OR12D3: variants seen among roughly 807,000 people sequenced by gnomAD.
OR12D3 encodes olfactory receptor 12D3.
For synonymous variants in OR12D3, 142 were observed against 138.8 expected (o/e 1.02, Z -0.16); for missense variants, 333 against 386.4 (o/e 0.86, Z 1.16).
At position 29,374,659 on chromosome 6, in the gene OR12D3, A is replaced by C; in HGVS notation, c.629T>G (p.Phe210Cys). 1 of 1,612,444 alleles carries C rather than the reference A, an allele frequency of 6.2e-7. No individual in the cohort carries two copies. ...ATAGAAGCAGGAGAGAAGAGTCAGA[A>C]AGAAAGCTCCCATGGATATGCTGCC... Reference protein sequence around the residue: ...VTGSISMGAFFLTLLSCFYVI... With the variant: ...VTGSISMGAFCLTLLSCFYVI... Residue 210 changes from phenylalanine (F) to cysteine (C), a missense_variant, in exon 1 of 1, where the codon TTT becomes TGT. Physicochemically the swap from Phe to Cys is radical, Grantham distance 205. Coordinates refer to ENST00000396806, the MANE Select transcript of OR12D3 (RefSeq NM_030959.3).
At position 29,374,730 on chromosome 6, in the gene OR12D3, G is replaced by A; in HGVS notation, c.558C>T (p.Ala186=). The A allele has an allele frequency of 6.2e-7, 1 of 1,613,110 alleles. No homozygotes were observed. The highest frequency in any genetic ancestry group is 8.5e-7 in the Non-Finnish European group (1 of 1,180,030). The change falls in exon 1 of 1, where the codon GCC becomes GCT. Residue 186 remains alanine (A), a synonymous_variant. Coordinates refer to ENST00000396806, the MANE Select transcript of OR12D3 (RefSeq NM_030959.3). ...FYDVKPLLEL[A]CSDTLLNQWL... ...ATTGATTGAGTAATGTGTCACTACA[G>A]GCCAATTCTAAGAGCGGCTTGACAT... is the stretch of plus-strand genomic sequence containing the variant.
Position 29,374,876 on chromosome 6 carries a change from C to A in OR12D3, c.412G>T (p.Val138Leu), listed in dbSNP as rs201259693. The part of the protein sequence containing the change: ...LRYTVIMNPQ[V>L]CILLAAAAWL... The stretch of plus-strand genomic sequence containing the variant: ...GCCGCAGCTGCCAACAGAATACACA[C>A]CTGGGGGTTCATGATGACAGTGTAG... Residue 138 changes from valine (V) to leucine (L), a missense_variant, in exon 1 of 1, where the codon GTG becomes TTG. Physicochemically the swap from Val to Leu is conservative, Grantham distance 32. Transcript: ENST00000396806. The A allele has an allele frequency of 1.6e-4, 265 of 1,613,340 alleles. No homozygotes were observed. The highest frequency in any genetic ancestry group is 3.3e-4 in the Middle Eastern group (2 of 6,082).
rs566487315 is a variant in OR12D3, at chr6:29,374,903, G to A, written c.385C>T (p.Arg129Cys). 13 of 1,613,826 alleles carry A rather than the reference G, an allele frequency of 8.1e-6. No individual in the cohort carries two copies. The highest frequency in any genetic ancestry group is 1.3e-5 in the African/African-American group (1 of 74,908). ...TGGGGGTTCATGATGACAGTGTAGC[G>A]AAGAGGATTGCAGATGGCAACAAAA... ...DRFVAICNPL[R>C]YTVIMNPQVC... Residue 129 changes from arginine (R) to cysteine (C), a missense_variant, in exon 1 of 1, where the codon CGC becomes TGC. Arg to Cys is a radical substitution (Grantham distance 180). Transcript: ENST00000396806.
chr6:29,374,890 A>C lies in OR12D3; in HGVS notation c.398T>G (p.Ile133Ser). The C allele has an allele frequency of 6.2e-7, 1 of 1,613,954 alleles. No individual in the cohort carries two copies. Among genetic ancestry groups the C allele is most frequent in the Non-Finnish European group, 8.5e-7 (1 of 1,180,032 alleles). Residue 133 changes from isoleucine (I) to serine (S), a missense_variant, in exon 1 of 1, where the codon ATC becomes AGC. By Grantham distance (142) the Ile-to-Ser change is moderately radical (BLOSUM62 -2). Coordinates refer to ENST00000396806, the MANE Select transcript of OR12D3 (RefSeq NM_030959.3). Reference sequence around the variant, plus strand: ...CAGAATACACACCTGGGGGTTCATGATGACAGTGTAGCGAAGAGGATTGCA... The same window carrying C: ...CAGAATACACACCTGGGGGTTCATGCTGACAGTGTAGCGAAGAGGATTGCA... ...AICNPLRYTV[I>S]MNPQVCILLA...
In OR12D3 at chr6:29,375,114, A is replaced by T. The variant is rs775740365; in HGVS notation, c.174T>A (p.Tyr58Ter). The T allele has an allele frequency of 6.2e-7, 1 of 1,612,898 alleles. No homozygotes were observed. Among genetic ancestry groups the T allele is most frequent in the Non-Finnish European group, 8.5e-7 (1 of 1,179,972 alleles). Residue 58 changes from tyrosine to a stop codon, truncating the protein, a stop_gained, in exon 1 of 1, where the codon TAT (tyrosine) becomes TAA (stop). Transcript: ENST00000396806. LOFTEE classifies it low-confidence loss of function (END_TRUNC). ...GACAAGAAAGGTTTCCCAGAAAAAAATACATAGGGGAGTGGAGTTGTGGTT... is the reference window on the plus strand; with the variant it reads ...GACAAGAAAGGTTTCCCAGAAAAAATTACATAGGGGAGTGGAGTTGTGGTT... ...VLEPQLHSPM[Y>*]FFLGNLSCLD...
chr6:29,374,545 C>T lies in OR12D3; in HGVS notation c.743G>A (p.Cys248Tyr), dbSNP rs1312792568. ...STCASHFMVV[C>Y]LFYGPVGFTY... ...GAAGCCCACAGGTCCATAGAAAAGA[C>T]ATACCACCATAAAATGGGAGGCACA... Residue 248 changes from cysteine to tyrosine, a missense_variant, in exon 1 of 1, where the codon TGT becomes TAT. Physicochemically the swap from Cys to Tyr is radical, Grantham distance 194. Transcript: ENST00000396806. 22 of 1,612,972 alleles carry T rather than the reference C, an allele frequency of 1.4e-5. No individual in the cohort carries two copies. The Admixed American group carries it at 3.7e-4, about 27-fold the overall frequency.
rs149010102 is a variant in OR12D3 at position 29,374,757 on chromosome 6, G to A, written c.531C>T (p.Tyr177=). 8.7e-5 allele frequency: 140 copies of A among 1,613,002 alleles called. No individual in the cohort carries two copies. The highest frequency in any genetic ancestry group is 1.1e-4 in the Non-Finnish European group (131 of 1,180,022). The change falls in exon 1 of 1, where the codon TAC becomes TAT. Residue 177 remains tyrosine (Y), a synonymous_variant. Transcript: ENST00000396806. ...CCAATTCTAAGAGCGGCTTGACATCGTAGAAGAAGTGATTGAGTTTCTGAG... is the reference window on the plus strand; with the variant it reads ...CCAATTCTAAGAGCGGCTTGACATCATAGAAGAAGTGATTGAGTTTCTGAG... ...CGSQKLNHFF[Y]DVKPLLELAC...
Position 29,374,489 on chromosome 6 carries a change from T to C in OR12D3, c.799A>G (p.Met267Val), listed in dbSNP as rs572177634. The change falls in exon 1 of 1, where the codon ATG becomes GTG. Residue 267 changes from methionine (M) to valine (V), a missense_variant. By Grantham distance (21) the Met-to-Val change is conservative. Coordinates refer to ENST00000396806, the MANE Select transcript of OR12D3 (RefSeq NM_030959.3). ...ATGGCCATTATCCGGTCCTGAATCA[T>C]GGAGGTGGCTGAAGCAGGACGAATA... ...TYIRPASATS[M>V]IQDRIMAIMY... The C allele has an allele frequency of 3.0e-5, 49 of 1,612,974 alleles. No individual in the cohort carries two copies. In the South Asian group the frequency reaches 4.9e-4, roughly 16 times the overall value.
Position 29,374,635 on chromosome 6 carries a change from T to C in OR12D3, c.653A>G (p.Tyr218Cys). The C allele has an allele frequency of 6.2e-7, 1 of 1,612,782 alleles. No homozygotes were observed. Among genetic ancestry groups the C allele is most frequent in the South Asian group, 1.1e-5 (1 of 90,912 alleles). The change falls in exon 1 of 1, where the codon TAT becomes TGT. Residue 218 changes from tyrosine to cysteine, a missense_variant. Tyr to Cys is a radical substitution (Grantham distance 194, BLOSUM62 -2). Transcript: ENST00000396806. The part of the protein sequence containing the change: ...AFFLTLLSCF[Y>C]VIGFLLFKNR... Reference sequence around the variant, plus strand: ...CTTAAACAGAAGGAAGCCAATTACATAGAAGCAGGAGAGAAGAGTCAGAAA... The same window carrying C: ...CTTAAACAGAAGGAAGCCAATTACACAGAAGCAGGAGAGAAGAGTCAGAAA...
chr6:29,374,882 G>A lies in OR12D3; in HGVS notation c.406C>T (p.Pro136Ser), dbSNP rs774197880. 5 of 1,613,752 alleles carry A rather than the reference G, an allele frequency of 3.1e-6. No homozygotes were observed. The highest frequency in any genetic ancestry group is 4.2e-6 in the Non-Finnish European group (5 of 1,180,034). ...NPLRYTVIMNPQVCILLAAAA... is the reference protein window; with the variant it reads ...NPLRYTVIMNSQVCILLAAAA... ...GCTGCCAACAGAATACACACCTGGG[G>A]GTTCATGATGACAGTGTAGCGAAGA... The change falls in exon 1 of 1, where the codon CCC becomes TCC. Residue 136 changes from proline (P) to serine (S), a missense_variant. Pro to Ser is a moderately conservative substitution (Grantham distance 74, BLOSUM62 -1). Transcript: ENST00000396806.
In OR12D3 at chr6:29,374,772, G is replaced by A; in HGVS notation, c.516C>T (p.Leu172=). The A allele has an allele frequency of 6.2e-7, 1 of 1,613,304 alleles. No homozygotes were observed. Among genetic ancestry groups the A allele is most frequent in the Non-Finnish European group, 8.5e-7 (1 of 1,180,030 alleles). ...AHLSFCGSQK[L]NHFFYDVKPL... is the part of the protein sequence containing the mutation. ...GCTTGACATCGTAGAAGAAGTGATTGAGTTTCTGAGAGCCACAAAAACTCA... is the reference window on the plus strand; with the variant it reads ...GCTTGACATCGTAGAAGAAGTGATTAAGTTTCTGAGAGCCACAAAAACTCA... Residue 172 remains leucine (L), a synonymous_variant, in exon 1 of 1, where the codon CTC becomes CTT. Transcript: ENST00000396806.
chr6:29,374,656 A>G lies in OR12D3; in HGVS notation c.632T>C (p.Leu211Pro). ...TACATAGAAGCAGGAGAGAAGAGTC[A>G]GAAAGAAAGCTCCCATGGATATGCT... ...TGSISMGAFFLTLLSCFYVIG... is the reference protein window; with the variant it reads ...TGSISMGAFFPTLLSCFYVIG... The change falls in exon 1 of 1, where the codon CTG becomes CCG. Residue 211 changes from leucine (L) to proline (P), a missense_variant. Physicochemically the swap from Leu to Pro is moderately conservative, Grantham distance 98. Transcript: ENST00000396806. 1 of 1,613,082 alleles carries G rather than the reference A, an allele frequency of 6.2e-7. No individual in the cohort carries two copies. Among genetic ancestry groups the G allele is most frequent in the Non-Finnish European group, 8.5e-7 (1 of 1,180,030 alleles).
In OR12D3 at chr6:29,375,141, CA is replaced by C. The variant is rs1779357159; in HGVS notation, c.146del (p.Leu49TrpfsTer26). 3 of 1,612,672 alleles carry C rather than the reference CA, an allele frequency of 1.9e-6. No homozygotes were observed. In the African/African-American group the frequency reaches 4.0e-5, roughly 22 times the overall value. ...ACATAGGGGAGTGGAGTTGTGGTTC[CA>C]AAACAACCATCACCAATATAGATCC... is the stretch of plus-strand genomic sequence containing the variant. ...GNGSILVMVVLEPQLHSPMYF... is the reference protein window; with the variant it reads ...GNGSILVMVVXEPQLHSPMYF... On this transcript the variant is annotated frameshift_variant, in exon 1 of 1. Transcript: ENST00000396806. LOFTEE classifies it low-confidence loss of function (END_TRUNC).
At position 29,373,541 on chromosome 6, in the gene OR12D3, GCT is replaced by G. The variant is rs1343808148; in HGVS notation, c.*794_*795del. 6.5e-6 allele frequency: 1 copy of G among 152,772 alleles called. No individual in the cohort carries two copies. The highest frequency in any genetic ancestry group is 1.9e-4 in the East Asian group (1 of 5,206). 9.5% of individuals were successfully genotyped at this position (152,772 alleles called of 1,614,324 possible). On this transcript the variant is annotated 3_prime_UTR_variant, in exon 1 of 1. Transcript: ENST00000396806. ...GCAAACACTCCAACTGAAACAAAGA[GCT>G]TGTCACATTGGCTTAATGGGTATGA... is the stretch of plus-strand genomic sequence containing the variant.
chr6:29,375,080 A>T lies in OR12D3; in HGVS notation c.208T>A (p.Ser70Thr). The T allele has an allele frequency of 6.2e-7, 1 of 1,613,024 alleles. No individual in the cohort carries two copies. The change falls in exon 1 of 1, where the codon TCT (serine) becomes ACT (threonine). Residue 70 changes from serine to threonine, a missense_variant. Coordinates refer to ENST00000396806, the MANE Select transcript of OR12D3 (RefSeq NM_030959.3). ...FLGNLSCLDI[S>T]YSSVTLPKLL... Reference sequence around the variant, plus strand: ...TTGGGCAGTGTCACTGAAGAATAAGAAATATCCAGACAAGAAAGGTTTCCC... The same window carrying T: ...TTGGGCAGTGTCACTGAAGAATAAGTAATATCCAGACAAGAAAGGTTTCCC...
At position 29,373,831 on chromosome 6, in the gene OR12D3, G is replaced by A. The variant is rs895570641; in HGVS notation, c.*506C>T. On this transcript the variant is annotated 3_prime_UTR_variant, in exon 1 of 1. Transcript: ENST00000396806. ...ATTAAAAATTCTCTTCAAGAATTAA[G>A]ATTAACAAAAATGATATTCTAGATA... The A allele has an allele frequency of 5.1e-6, 2 of 395,026 alleles. No homozygotes were observed. The highest frequency in any genetic ancestry group is 4.1e-5 in the African/African-American group (2 of 48,444). 24.5% of individuals were successfully genotyped at this position (395,026 alleles called of 1,614,324 possible). A position where few individuals can be genotyped will look rare whatever the true frequency, so the allele number is the denominator to read the frequency against.
Position 29,373,531 on chromosome 6 carries a change from G to A in OR12D3, c.*806C>T, listed in dbSNP as rs7753474. The A allele has an allele frequency of 0.22, 34,004 of 152,512 alleles. 3,901 individuals are homozygous for A. The highest frequency in any genetic ancestry group is 0.28 in the African/African-American group (11,418 of 41,482). The allele number at this position is 152,512 out of a possible 1,614,324, so 9.4% of individuals were successfully genotyped here. On this transcript the variant is annotated 3_prime_UTR_variant, in exon 1 of 1. Transcript: ENST00000396806. ...TTTAAATTGTGCAAACACTCCAACT[G>A]AAACAAAGAGCTTGTCACATTGGCT...
chr6:29,374,654 T>A lies in OR12D3; in HGVS notation c.634A>T (p.Thr212Ser). 6.2e-7 allele frequency: 1 copy of A among 1,612,356 alleles called. No homozygotes were observed. Among genetic ancestry groups the A allele is most frequent in the South Asian group, 1.1e-5 (1 of 91,014 alleles). The change falls in exon 1 of 1, where the codon ACT (threonine) becomes TCT (serine). Residue 212 changes from threonine to serine, a missense_variant. By Grantham distance (58) the Thr-to-Ser change is moderately conservative (BLOSUM62 1). Transcript: ENST00000396806. ...ATTACATAGAAGCAGGAGAGAAGAG[T>A]CAGAAAGAAAGCTCCCATGGATATG... Reference protein sequence around the residue: ...GSISMGAFFLTLLSCFYVIGF... With the variant: ...GSISMGAFFLSLLSCFYVIGF...
rs768612338 is a variant in OR12D3, at chr6:29,375,085, T to C, written c.203A>G (p.Asp68Gly). 8.7e-6 allele frequency: 14 copies of C among 1,612,702 alleles called. No homozygotes were observed. In the Admixed American group the frequency reaches 2.2e-4, roughly 25 times the overall value. The stretch of plus-strand genomic sequence containing the variant: ...CAGTGTCACTGAAGAATAAGAAATA[T>C]CCAGACAAGAAAGGTTTCCCAGAAA... The part of the protein sequence containing the change: ...YFFLGNLSCL[D>G]ISYSSVTLPK... Residue 68 changes from aspartate (D) to glycine (G), a missense_variant, in exon 1 of 1, where the codon GAT becomes GGT. Transcript: ENST00000396806.
Sources: gnomAD v4.1 joint callset for allele counts on GRCh38, gnomAD v4.1.1 for gene constraint, MANE v1.5 for transcripts, NCBI Gene and HGNC (gene_info 2026-07-23, HGNC 2026-07-21) for gene names.